Variants in NME9 observed in about 807,000 individuals in gnomAD.
The protein encoded by NME9 is NME/NM23 family member 9.
Under a neutral mutation model 44.4 loss-of-function variants are expected in NME9, and 48 were observed. The ratio of observed to expected loss-of-function variants is 1.08; its 90% CI spans 0.86 to 1.37. NME9 has a LOEUF of 1.37. NME9 is among the 40% of genes most tolerant of loss of function. The pLI is 0.00. For synonymous variants in NME9, 139 were observed against 147.1 expected (o/e 0.94, Z 0.40); for missense variants, 325 against 405.2 (o/e 0.80, Z 1.70).
intron 8 of NME9, among the ~76,000 whole-genome samples, chr3:138,286,399 A>T (rs1047441283): frequency 1.5e-4 from 23 of 152,040 alleles, no homozygotes; most frequent in African/African-American, 5.6e-4. Flanking sequence ...AATCCAAAGG[A>T]TCCTTTTCTC....
At chr3:138,292,918 C>CA in intron 8 of NME9, among the ~76,000 whole-genome samples, 1 of 152,208 alleles carries the variant, frequency 6.6e-6, no homozygotes, top group Middle Eastern at 3.4e-3. Context: ...GAGACTCAGG[C>CA]GCATAAGGTG....
intron 8 of NME9, among the ~76,000 whole-genome samples, chr3:138,266,902 C>G (rs1560016682): frequency 6.6e-6 from 1 of 152,148 alleles, no homozygotes; most frequent in African/African-American, 2.4e-5. Context: ...TGACATGTCT[C>G]TCTCCTCCCT....
At chr3:138,288,966 G>T in intron 8 of NME9, 1 of 1,105,884 alleles carries the variant, frequency 9.0e-7, no homozygotes, top group African/African-American at 1.6e-5. Flanking sequence ...TATAGGAATT[G>T]GCTATGGTAG....
chr3:138,275,854 A>G (rs1382353413), intron 8 of NME9, among the ~76,000 whole-genome samples: 1 of 152,178 alleles, frequency 6.6e-6, no homozygotes, highest in African/African-American at 2.4e-5. Flanking sequence ...TTTTTTTAAA[A>G]CTGTGTTTTG....
intron 4 of NME9, 29 bp downstream of exon 4, chr3:138,318,119 A>G (rs754350065): frequency 7.3e-7 from 1 of 1,375,788 alleles, no homozygotes; most frequent in Admixed American, 1.7e-5. Flanking sequence ...GCAATCGTCA[A>G]ATAGTTCTGA....
chr3:138,293,280 G>A (rs13086546), intron 8 of NME9, among the ~76,000 whole-genome samples: 5 of 152,202 alleles, frequency 3.3e-5, no homozygotes, highest in African/African-American at 9.6e-5. Context: ...GGTGGCTCAC[G>A]CCTGTAATCC....
chr3:138,271,511 A>G (rs559930691), intron 8 of NME9, among the ~76,000 whole-genome samples: 1 of 152,332 alleles, frequency 6.6e-6, no homozygotes, highest in African/African-American at 2.4e-5. Flanking sequence ...CACAACTTTA[A>G]TGTTGGAAAC....
At chr3:138,306,718 G>A (rs935935778) in intron 6 of NME9, among the ~76,000 whole-genome samples, 4 of 152,244 alleles carry the variant, frequency 2.6e-5, no homozygotes, top group Admixed American at 1.3e-4. Flanking sequence ...CTTGCTGCAA[G>A]GAACAGAGAC....
chr3:138,271,798 C>CTTTTTTTTTTTTTTTTTTTTT lies in NME9; in HGVS notation c.746-9213_746-9212insAAAAAAAAAAAAAAAAAAAAA, dbSNP rs776320900. Among the ~76,000 whole-genome samples the CTTTTTTTTTTTTTTTTTTTTT allele has an allele frequency of 1.2e-4, 17 of 136,130 alleles. 1 individual carries two copies. Among genetic ancestry groups the CTTTTTTTTTTTTTTTTTTTTT allele is most frequent in the African/African-American group, 4.8e-4 (17 of 35,238 alleles). The allele number at this position is 136,130 out of a possible 152,430, so 89.3% of individuals were successfully genotyped here. ...AGTTCACAAGATTTTTTTTTTCTTTCTTTTTTTTTTTTTTTGATACAGAGT... is the reference window on the plus strand; with the variant it reads ...AGTTCACAAGATTTTTTTTTTCTTTCTTTTTTTTTTTTTTTTTTTTTTTTTTTTTTTTTTTTGATACAGAGT... On this transcript the variant is annotated intron_variant, in intron 8 of 8. Coordinates refer to the NME9 transcript ENST00000317876.
At position 138,306,410 on chromosome 3, in the gene NME9, C is replaced by T. The variant is rs2052264313; in HGVS notation, c.531G>A (p.Glu177=). 6.2e-7 allele frequency: 1 copy of T among 1,610,918 alleles called. No individual in the cohort carries two copies. The highest frequency in any genetic ancestry group is 1.3e-5 in the African/African-American group (1 of 74,846). The part of the protein sequence containing the change: ...PDAVAHGKTD[E]IIMKIQEAGF... ...TTGTCTCTCTTACCTTCATGATAAT[C>T]TCATCAGTCTTTCCATGGGCCACTG... Residue 177 remains glutamate (E), a synonymous_variant, in exon 7 of 11, where the codon GAG becomes GAA. Transcript: ENST00000333911.
intron 4 of NME9, 122 bp from the exon 5 acceptor site, chr3:138,315,765 C>A: frequency 1.4e-6 from 1 of 703,372 alleles, no homozygotes; most frequent in Non-Finnish European, 2.4e-6. Flanking sequence ...CCTGTAGCAG[C>A]GTGCTCACTT....
intron 1 of NME9, 136 bp downstream of exon 1, chr3:138,329,167 A>C (rs753205107): frequency 1.0e-5 from 8 of 765,304 alleles, no homozygotes; most frequent in Non-Finnish European, 1.7e-5. Flanking sequence ...GGAAGGGTAC[A>C]TCACTCAAGT....
At chr3:138,272,964 C>T in intron 8 of NME9, 1 of 1,576,198 alleles carries the variant, frequency 6.3e-7, no homozygotes, top group South Asian at 1.2e-5. Context: ...TTAATCCTTT[C>T]AGAATATGGC....
At chr3:138,295,815 T>A (rs1228801150) in intron 8 of NME9, 1 of 1,609,064 alleles carries the variant, frequency 6.2e-7, no homozygotes, top group Admixed American at 1.7e-5. Context: ...TTTACCCCAA[T>A]TACAATTCTG....
intron 8 of NME9, among the ~76,000 whole-genome samples, chr3:138,273,377 G>A (rs1392314792): frequency 2.6e-5 from 4 of 152,170 alleles, no homozygotes; most frequent in African/African-American, 9.7e-5. Context: ...AGGAAAACAT[G>A]ACCAGTGCCT....
At chr3:138,272,044 T>G (rs1472827690) in intron 8 of NME9, among the ~76,000 whole-genome samples, 1 of 152,200 alleles carries the variant, frequency 6.6e-6, no homozygotes, top group Non-Finnish European at 1.5e-5. Flanking sequence ...CAGACATGTA[T>G]AGCTTGGGAT....
chr3:138,294,119 T>C (rs2051247847), intron 8 of NME9, among the ~76,000 whole-genome samples: 1 of 152,160 alleles, frequency 6.6e-6, no homozygotes, highest in African/African-American at 2.4e-5. Context: ...CAGAAGGAGT[T>C]TGAATTTGGC....
chr3:138,264,709 C>T (rs1026967138), intron 8 of NME9, among the ~76,000 whole-genome samples: 16 of 151,686 alleles, frequency 1.1e-4, no homozygotes, highest in Admixed American at 7.2e-4. Flanking sequence ...TGAGCCACTG[C>T]GCCCAGCCAG....
chr3:138,263,936 G>A, intron 8 of NME9: 1 of 1,099,752 alleles, frequency 9.1e-7, no homozygotes, highest in Middle Eastern at 2.0e-4. Flanking sequence ...AATCTGCTCA[G>A]GTGAATTCAT....
Sources: allele counts gnomAD v4.1 joint callset (sites outside exome capture counted in the v4.1 genomes callset), GRCh38; gene constraint gnomAD v4.1.1; transcripts MANE v1.5; gene names NCBI Gene and HGNC (gene_info 2026-07-23, HGNC 2026-07-21).